CBLB: variants seen among roughly 807,000 people sequenced by gnomAD.
CBLB encodes E3 ubiquitin-protein ligase CBL-B.
Under a neutral mutation model 104.9 loss-of-function variants are expected in CBLB, and 31 were observed. That is an observed-to-expected ratio of 0.30 (90% CI 0.22 to 0.40). The LOEUF is 0.40. Ranked by LOEUF, CBLB falls within the 10% of genes least tolerant of loss-of-function variation. The pLI is 1.00. For missense variants in CBLB, 1,062 were observed against 1,214.6 expected (o/e 0.87, Z 1.87); for synonymous variants, 440 against 422.6 (o/e 1.04, Z -0.51).
At chr3:105,778,581 T>G (rs747718678) in intron 3 of CBLB, among the ~76,000 whole-genome samples, 3 of 152,158 alleles carry the variant, frequency 2.0e-5, no homozygotes, top group Non-Finnish European at 4.4e-5. Context: ...AGTCACCTAT[T>G]TCCATAACTT....
At chr3:105,711,026 G>A (rs932731899) in intron 10 of CBLB, among the ~76,000 whole-genome samples, 1 of 151,750 alleles carries the variant, frequency 6.6e-6, no homozygotes, top group Non-Finnish European at 1.5e-5. Flanking sequence ...CACCTTTAAA[G>A]AGCCATTTTA....
At chr3:105,846,545 T>C (rs992906790) in intron 3 of CBLB, among the ~76,000 whole-genome samples, 13 of 152,136 alleles carry the variant, frequency 8.5e-5, no homozygotes, top group Non-Finnish European at 1.9e-4. Context: ...AATTTTCATT[T>C]GTGACATTGA....
At chr3:105,850,170 G>A (rs1037152571) in intron 3 of CBLB, among the ~76,000 whole-genome samples, 1 of 152,178 alleles carries the variant, frequency 6.6e-6, no homozygotes, top group Admixed American at 6.5e-5. Context: ...ACGTCTACGA[G>A]TATGTTTGGG....
At chr3:105,866,757 C>A (rs901358784) in intron 2 of CBLB, among the ~76,000 whole-genome samples, 1 of 152,166 alleles carries the variant, frequency 6.6e-6, no homozygotes, top group Non-Finnish European at 1.5e-5. Context: ...GCAGAAACCA[C>A]AGAGGTTTCT....
Position 105,755,505 on chromosome 3 carries a change from T to A in CBLB, c.567-3887A>T, listed in dbSNP as rs80016743. Among the ~76,000 whole-genome samples, 20 of 146,886 alleles carry A rather than the reference T, an allele frequency of 1.4e-4. No homozygotes were observed. The East Asian group carries it at 2.9e-3, about 22-fold the overall frequency. ...AAAGTGTGAGGAGAATGATTTCTTT[T>A]AAAAAAAAAAAGGTAAAATATTTTC... On this transcript the variant is annotated intron_variant, in intron 4 of 18. Coordinates refer to ENST00000394030, the MANE Select transcript of CBLB (RefSeq NM_170662.5).
At chr3:105,784,364 ACTTTTT>A (rs2080703206) in intron 3 of CBLB, among the ~76,000 whole-genome samples, 1 of 152,352 alleles carries the variant, frequency 6.6e-6, no homozygotes, top group South Asian at 2.1e-4. Context: ...ACATAGCAGA[ACTTTTT>A]CTTTGATTAT....
At chr3:105,780,670 T>TTTTTTTTTTTTTTG (rs1560209728) in intron 3 of CBLB, among the ~76,000 whole-genome samples, 1 of 135,174 alleles carries the variant, frequency 7.4e-6, no homozygotes, top group Non-Finnish European at 1.6e-5. Flanking sequence ...GTTTTTTTTT[T>TTTTTTTTTTTTTTG]TTTTTTTTTT....
intron 3 of CBLB, among the ~76,000 whole-genome samples, chr3:105,778,193 T>A (rs1332507584): frequency 6.6e-6 from 1 of 151,976 alleles, no homozygotes; most frequent in East Asian, 1.9e-4. Flanking sequence ...TCAATAAAAA[T>A]ATAGAGGGAA....
intron 10 of CBLB, among the ~76,000 whole-genome samples, chr3:105,713,768 T>C (rs1200746875): frequency 6.6e-6 from 1 of 152,136 alleles, no homozygotes; most frequent in Non-Finnish European, 1.5e-5. Context: ...TTCGGATTGC[T>C]TACTGTCACT....
chr3:105,700,466 C>T (rs1171473853), intron 12 of CBLB, among the ~76,000 whole-genome samples: 5 of 150,064 alleles, frequency 3.3e-5, no homozygotes, highest in African/African-American at 1.2e-4. Context: ...AAAAGTAAAG[C>T]TAAAGGGGGA....
intron 9 of CBLB, among the ~76,000 whole-genome samples, chr3:105,721,204 T>A (rs547335755): frequency 6.6e-6 from 1 of 152,146 alleles, no homozygotes; most frequent in East Asian, 1.9e-4. Flanking sequence ...TGGGATGAAA[T>A]AGCACCATTT....
intron 2 of CBLB, among the ~76,000 whole-genome samples, chr3:105,861,508 G>T (rs1310182645): frequency 1.3e-5 from 2 of 151,716 alleles, no homozygotes; most frequent in South Asian, 2.1e-4. Context: ...TATTCGCCAA[G>T]ATTAACCCTT....
At chr3:105,668,660 G>C (rs1328037771) in intron 18 of CBLB, among the ~76,000 whole-genome samples, 1 of 152,046 alleles carries the variant, frequency 6.6e-6, no homozygotes, top group Non-Finnish European at 1.5e-5. Flanking sequence ...AGAATGACTA[G>C]AAATAAACTG....
At chr3:105,802,570 C>T (rs1176891089) in intron 3 of CBLB, among the ~76,000 whole-genome samples, 1 of 152,180 alleles carries the variant, frequency 6.6e-6, no homozygotes, top group Non-Finnish European at 1.5e-5. Flanking sequence ...ACAGCTAACA[C>T]CAATACATGA....
At chr3:105,847,577 T>C (rs747024814) in intron 3 of CBLB, among the ~76,000 whole-genome samples, 1 of 149,952 alleles carries the variant, frequency 6.7e-6, no homozygotes, top group Admixed American at 6.7e-5. Flanking sequence ...CTTCACAGTC[T>C]ATCAAAGGCA....
intron 13 of CBLB, among the ~76,000 whole-genome samples, chr3:105,687,442 G>T (rs2067152533): frequency 6.6e-6 from 1 of 152,004 alleles, no homozygotes; most frequent in South Asian, 2.1e-4. Flanking sequence ...CAAATCAGTA[G>T]ATTATTTCAG....
At chr3:105,797,425 G>A (rs958657380) in intron 3 of CBLB, among the ~76,000 whole-genome samples, 7 of 152,002 alleles carry the variant, frequency 4.6e-5, no homozygotes, top group Non-Finnish European at 1.0e-4. Flanking sequence ...GGGAACAACA[G>A]ACACCAGGGG....
intron 3 of CBLB, among the ~76,000 whole-genome samples, chr3:105,780,159 C>T (rs2152972648): frequency 6.6e-6 from 1 of 151,056 alleles, no homozygotes; most frequent in Admixed American, 6.6e-5. Flanking sequence ...AGCCTAATAC[C>T]CATTTAAAAA....
At chr3:105,700,487 C>A (rs969026333) in intron 12 of CBLB, among the ~76,000 whole-genome samples, 33 of 151,416 alleles carry the variant, frequency 2.2e-4, no homozygotes, top group Non-Finnish European at 1.8e-4. Context: ...AAAAAAAAAA[C>A]CTGAAAATTT....
Sources: gnomAD v4.1 joint callset for allele counts (sites outside exome capture counted in the v4.1 genomes callset) on GRCh38, gnomAD v4.1.1 for gene constraint, MANE v1.5 for transcripts, NCBI Gene and HGNC (gene_info 2026-07-23, HGNC 2026-07-21) for gene names.